The following NSUN6 variants were observed in gnomAD, a reference collection of about 807,000 sequenced individuals.
NSUN6 encodes the protein tRNA (cytosine(72)-C(5))-methyltransferase NSUN6.
A neutral mutation model predicts 58.0 loss-of-function variants in NSUN6; 64 were observed. The ratio of observed to expected loss-of-function variants is 1.10; its 90% confidence interval spans 0.90 to 1.36. The LOEUF (loss-of-function observed/expected upper bound fraction) is 1.36, where lower values mean the gene tolerates loss of function less well. Among genes scored for constraint, NSUN6 ranks in the 40% most tolerant of loss-of-function variants. NSUN6 has a pLI of 0.00. For synonymous variants in NSUN6, 231 were observed against 193.9 expected (o/e 1.19, Z -1.59); for missense variants, 701 against 550.1 (o/e 1.27, Z -2.74).
intron 5 of NSUN6, among the ~76,000 whole-genome samples, chr10:18,612,911 A>T (rs1395252983): frequency 6.6e-6 from 1 of 152,192 alleles, no homozygotes; most frequent in Admixed American, 6.5e-5. Context: ...AATTCAAGAA[A>T]GCAAAGGACT....
intron 7 of NSUN6, among the ~76,000 whole-genome samples, chr10:18,594,273 A>G (rs1181339264): frequency 1.3e-5 from 2 of 151,934 alleles, no homozygotes; most frequent in Non-Finnish European, 2.9e-5. Flanking sequence ...GGAATTGCAA[A>G]TACAGTGAGA....
intron 6 of NSUN6, among the ~76,000 whole-genome samples, chr10:18,600,283 TG>T (rs2057754059): frequency 1.3e-5 from 2 of 152,188 alleles, no homozygotes; most frequent in African/African-American, 4.8e-5. Flanking sequence ...CAAGAAAGCA[TG>T]TAATTATGTC....
chr10:18,621,851 C>T (rs2058617714), intron 3 of NSUN6, among the ~76,000 whole-genome samples: 1 of 152,186 alleles, frequency 6.6e-6, no homozygotes, highest in African/African-American at 2.4e-5. Context: ...CACATACTAA[C>T]AACCCTACAC....
chr10:18,564,704 A>ACATTC (rs923509240), intron 8 of NSUN6, among the ~76,000 whole-genome samples: 8 of 146,034 alleles, frequency 5.5e-5, no homozygotes, highest in African/African-American at 2.0e-4. Flanking sequence ...TCTTCATTTT[A>ACATTC]CATTCCATTC....
intron 8 of NSUN6, among the ~76,000 whole-genome samples, chr10:18,570,546 C>T (rs1338585632): frequency 1.6e-5 from 2 of 123,518 alleles, no homozygotes; most frequent in African/African-American, 5.7e-5. Context: ...TTCCATTCCG[C>T]TCTTTTCCAT....
intron 3 of NSUN6, among the ~76,000 whole-genome samples, chr10:18,619,237 A>C (rs576820898): frequency 6.6e-6 from 1 of 152,290 alleles, no homozygotes; most frequent in Admixed American, 6.5e-5. Flanking sequence ...TTGGCTTGGG[A>C]CCAAACAGTT....
intron 7 of NSUN6, among the ~76,000 whole-genome samples, chr10:18,590,647 T>A (rs1210467110): frequency 1.3e-5 from 2 of 152,212 alleles, no homozygotes; most frequent in Admixed American, 6.5e-5. Context: ...AACTTGCTCC[T>A]GAATGACTAC....
intron 3 of NSUN6, among the ~76,000 whole-genome samples, chr10:18,639,399 CAGG>C (rs910388025): frequency 1.3e-4 from 20 of 152,250 alleles, no homozygotes; most frequent in Admixed American, 1.1e-3. Context: ...GAGGCTGAGT[CAGG>C]AGAACTGCTT....
At chr10:18,573,401 C>A (rs1463889659) in intron 8 of NSUN6, among the ~76,000 whole-genome samples, 3 of 150,596 alleles carry the variant, frequency 2.0e-5, no homozygotes, top group Admixed American at 1.3e-4. Flanking sequence ...TCCATTCTCC[C>A]TTCCATTCCA....
intron 8 of NSUN6, among the ~76,000 whole-genome samples, chr10:18,579,019 T>A (rs1369310377): frequency 2.6e-5 from 4 of 152,162 alleles, no homozygotes; most frequent in Non-Finnish European, 4.4e-5. Context: ...CTCCTACAAA[T>A]ATTCCAGACC....
chr10:18,628,746 G>A (rs1179402127), intron 3 of NSUN6, among the ~76,000 whole-genome samples: 1 of 152,136 alleles, frequency 6.6e-6, no homozygotes, highest in Non-Finnish European at 1.5e-5. Flanking sequence ...CAAGAAATAT[G>A]GGACTATGTG....
At chr10:18,606,743 G>C (rs988022107) in intron 6 of NSUN6, among the ~76,000 whole-genome samples, 1 of 152,086 alleles carries the variant, frequency 6.6e-6, no homozygotes, top group African/African-American at 2.4e-5. Context: ...AACCTGATGA[G>C]AGGAAGTAGA....
chr10:18,625,439 G>T (rs987574476), intron 3 of NSUN6, among the ~76,000 whole-genome samples: 1 of 152,166 alleles, frequency 6.6e-6, no homozygotes, highest in Non-Finnish European at 1.5e-5. Context: ...TAGGCTGAGT[G>T]TGGTGGCTCA....
chr10:18,600,959 T>TATATATATATATATAC lies in NSUN6; in HGVS notation c.658-4633_658-4632insGTATATATATATATAT. 8.9e-3 allele frequency among the ~76,000 whole-genome samples: 575 copies of TATATATATATATATAC among 64,842 alleles called. 15 individuals carry two copies. Among genetic ancestry groups the TATATATATATATATAC allele is most frequent in the Middle Eastern group, 0.043 (4 of 94 alleles). 42.5% of individuals were successfully genotyped at this position (64,842 alleles called of 152,430 possible). On this transcript the variant is annotated intron_variant, in intron 6 of 10. Transcript: ENST00000377304. Reference sequence around the variant, plus strand: ...AAAAAAAAATATATATATATATATATACATATATATATATATATGTATATA... The same window carrying TATATATATATATATAC: ...AAAAAAAAATATATATATATATATATATATATATATATATACACATATATATATATATATGTATATA...
At chr10:18,624,905 C>A (rs2131418975) in intron 3 of NSUN6, among the ~76,000 whole-genome samples, 1 of 152,190 alleles carries the variant, frequency 6.6e-6, no homozygotes, top group South Asian at 2.1e-4. Context: ...GGTACAAACA[C>A]ATGTTTATTC....
chr10:18,590,612 C>T (rs936345328), intron 7 of NSUN6, among the ~76,000 whole-genome samples: 1 of 152,206 alleles, frequency 6.6e-6, no homozygotes, highest in African/African-American at 2.4e-5. Context: ...TCACTCAAAA[C>T]CGCACGACTA....
intron 8 of NSUN6, among the ~76,000 whole-genome samples, chr10:18,569,971 T>C (rs976959876): frequency 2.0e-5 from 3 of 150,700 alleles, no homozygotes; most frequent in African/African-American, 7.3e-5. Context: ...TTCCATTACA[T>C]TCCCCATTCC....
chr10:18,559,306 T>A (rs979504379), intron 8 of NSUN6, among the ~76,000 whole-genome samples: 1 of 146,470 alleles, frequency 6.8e-6, no homozygotes, highest in Non-Finnish European at 1.5e-5. Flanking sequence ...GAGAATGGAA[T>A]GAAATGGAAT....
rs539986178 is a variant in NSUN6 at position 18,607,100 on chromosome 10, A to G, written c.657+2745T>C. Among the ~76,000 whole-genome samples the G allele has an allele frequency of 2.0e-5, 3 of 152,352 alleles. No homozygotes were observed. The East Asian group carries it at 5.8e-4, about 29-fold the overall frequency. On this transcript the variant is annotated intron_variant, in intron 6 of 10. Transcript: ENST00000377304. Reference sequence around the variant, plus strand: ...TATCAGCATCTATTGCAATGATTTAACACTATTGAAAAGCATTTTCATTTA... The same window carrying G: ...TATCAGCATCTATTGCAATGATTTAGCACTATTGAAAAGCATTTTCATTTA...
Sources: allele counts gnomAD v4.1 joint callset (sites outside exome capture counted in the v4.1 genomes callset), GRCh38; gene constraint gnomAD v4.1.1; transcripts MANE v1.5; gene names NCBI Gene and HGNC (gene_info 2026-07-23, HGNC 2026-07-21).